GRID2: variants seen among roughly 807,000 people sequenced by gnomAD.
GRID2 encodes glutamate receptor ionotropic, delta-2.
In GRID2, 33 loss-of-function variants were observed where a neutral mutation model predicts 114.8. The ratio of observed to expected loss-of-function variants is 0.29; its 90% CI spans 0.22 to 0.38. GRID2 has a LOEUF of 0.38. GRID2 is among the 10% of genes least tolerant of loss of function. The pLI is 1.00. For synonymous variants in GRID2, 505 were observed against 449.9 expected (o/e 1.12, Z -1.55); for missense variants, 1,184 against 1,257.7 (o/e 0.94, Z 0.89).
chr4:93,386,620 C>T (rs1297433232), intron 8 of GRID2, among the ~76,000 whole-genome samples: 1 of 152,116 alleles, frequency 6.6e-6, no homozygotes, highest in African/African-American at 2.4e-5. Context: ...TTCATTTTCC[C>T]TACAAATGGC....
At chr4:92,327,593 C>T (rs757178703) in intron 1 of GRID2, among the ~76,000 whole-genome samples, 1 of 151,760 alleles carries the variant, frequency 6.6e-6, no homozygotes, top group Admixed American at 6.6e-5. Context: ...TAAACTAGCC[C>T]AGTCCTACAT....
chr4:92,615,012 T>C (rs1729938419), intron 2 of GRID2, among the ~76,000 whole-genome samples: 1 of 151,454 alleles, frequency 6.6e-6, no homozygotes, highest in South Asian at 2.1e-4. Context: ...ATTATCTTAG[T>C]CTGGTCAGGC....
chr4:92,622,125 T>A (rs1249632942), intron 2 of GRID2, among the ~76,000 whole-genome samples: 4 of 151,732 alleles, frequency 2.6e-5, no homozygotes, highest in Non-Finnish European at 4.4e-5. Flanking sequence ...AAAATGCTAC[T>A]GGGGAGAGTC....
intron 2 of GRID2, among the ~76,000 whole-genome samples, chr4:92,769,451 C>T (rs1192786236): frequency 2.0e-5 from 3 of 152,172 alleles, no homozygotes; most frequent in Non-Finnish European, 4.4e-5. Context: ...TAGCCCTCTT[C>T]TTCCAGCTGC....
At chr4:92,442,475 C>T (rs1264283866) in intron 1 of GRID2, among the ~76,000 whole-genome samples, 1 of 152,032 alleles carries the variant, frequency 6.6e-6, no homozygotes, top group East Asian at 1.9e-4. Flanking sequence ...CGCTGCGGTT[C>T]AGGCGTTTGG....
At chr4:93,302,073 GA>G (rs970594449) in intron 8 of GRID2, among the ~76,000 whole-genome samples, 12 of 151,928 alleles carry the variant, frequency 7.9e-5, no homozygotes, top group African/African-American at 2.9e-4. Flanking sequence ...TCAGAGAAGG[GA>G]AAAATTACTT....
At chr4:92,941,365 T>C (rs1751112123) in intron 2 of GRID2, among the ~76,000 whole-genome samples, 3 of 152,202 alleles carry the variant, frequency 2.0e-5, no homozygotes, top group South Asian at 4.1e-4. Flanking sequence ...TAGAGGTGTT[T>C]ATAGTATTCT....
intron 1 of GRID2, among the ~76,000 whole-genome samples, chr4:92,516,115 T>C (rs1724489123): frequency 6.6e-6 from 1 of 151,906 alleles, no homozygotes; most frequent in African/African-American, 2.4e-5. Flanking sequence ...AAATATTTTG[T>C]TTGAAAATTA....
At chr4:93,479,158 T>C (rs1210807713) in intron 11 of GRID2, among the ~76,000 whole-genome samples, 3 of 152,020 alleles carry the variant, frequency 2.0e-5, no homozygotes, top group Admixed American at 2.0e-4. Flanking sequence ...CTTTTAAGTG[T>C]CCAATAGCAT....
intron 14 of GRID2, among the ~76,000 whole-genome samples, chr4:93,704,318 C>T (rs1727795649): frequency 6.6e-6 from 1 of 152,048 alleles, no homozygotes; most frequent in South Asian, 2.1e-4. Context: ...CTGTTCATAT[C>T]CTTCACCCAC....
chr4:92,896,993 C>G (rs527521871), intron 2 of GRID2, among the ~76,000 whole-genome samples: 1 of 152,026 alleles, frequency 6.6e-6, no homozygotes, highest in Non-Finnish European at 1.5e-5. Context: ...CCACCTTCCT[C>G]GGTCTCCCAA....
intron 2 of GRID2, among the ~76,000 whole-genome samples, chr4:93,000,793 T>C (rs1720888394): frequency 1.5e-5 from 1 of 67,276 alleles, no homozygotes; most frequent in South Asian, 4.4e-4. Context: ...TAATAGACAC[T>C]GGGGACTCTA....
At chr4:93,174,557 G>A (rs574946473) in intron 4 of GRID2, among the ~76,000 whole-genome samples, 1 of 152,226 alleles carries the variant, frequency 6.6e-6, no homozygotes, top group African/African-American at 2.4e-5. Flanking sequence ...CTGGAGATAG[G>A]GTCTTTCGGG....
At chr4:93,736,881 T>C (rs1268386040) in intron 14 of GRID2, among the ~76,000 whole-genome samples, 1 of 131,580 alleles carries the variant, frequency 7.6e-6, no homozygotes, top group Non-Finnish European at 1.6e-5. Context: ...AAAAAAAAAA[T>C]CCATCAATGA....
intron 1 of GRID2, among the ~76,000 whole-genome samples, chr4:92,418,960 C>T (rs1213328847): frequency 6.6e-6 from 1 of 151,352 alleles, no homozygotes; most frequent in Non-Finnish European, 1.5e-5. Flanking sequence ...TAATGTTGTA[C>T]TCATATCTCT....
At chr4:92,384,733 C>G (rs898545239) in intron 1 of GRID2, among the ~76,000 whole-genome samples, 4 of 130,072 alleles carry the variant, frequency 3.1e-5, no homozygotes, top group African/African-American at 5.9e-5. Context: ...AAATATTTTA[C>G]TTGCTGAATT....
At chr4:93,335,694 C>CTTTTTTTTTTTT (rs55823712) in intron 8 of GRID2, among the ~76,000 whole-genome samples, 11 of 141,750 alleles carry the variant, frequency 7.8e-5, no homozygotes, top group African/African-American at 2.7e-4. Flanking sequence ...TTTCTTCTTT[C>CTTTTTTTTTTTT]TTTTTTTTTT....
chr4:92,643,834 A>C (rs1000450154), intron 2 of GRID2, among the ~76,000 whole-genome samples: 1 of 151,802 alleles, frequency 6.6e-6, no homozygotes, highest in South Asian at 2.1e-4. Flanking sequence ...TTTGGTGAAA[A>C]ATGAGCAAAT....
chr4:93,771,600 C>T (rs1281137553), intron 15 of GRID2, among the ~76,000 whole-genome samples: 4 of 152,002 alleles, frequency 2.6e-5, no homozygotes, highest in African/African-American at 9.7e-5. Flanking sequence ...AAATAGCTTA[C>T]TATATCATTT....
Sources: allele counts gnomAD v4.1 joint callset (sites outside exome capture counted in the v4.1 genomes callset), GRCh38; gene constraint gnomAD v4.1.1; transcripts MANE v1.5; gene names NCBI Gene and HGNC (gene_info 2026-07-23, HGNC 2026-07-21).